Variants in DEPDC1 observed in about 807,000 individuals in gnomAD.
The protein encoded by DEPDC1 is DEP domain containing 1.
Under a neutral mutation model 86.8 loss-of-function variants are expected in DEPDC1, and 66 were observed. That is an observed-to-expected ratio of 0.76 (90% CI 0.62 to 0.93). DEPDC1 has a LOEUF of 0.93. Among genes scored for constraint, DEPDC1 ranks in the 40% least tolerant of loss-of-function variants. The probability of loss-of-function intolerance (pLI) is 0.00; values close to 1 mark genes in which losing one functional copy is unlikely to be tolerated. For synonymous variants in DEPDC1, 255 were observed against 314.9 expected (o/e 0.81, Z 2.02); for missense variants, 792 against 935.7 (o/e 0.85, Z 2.00).
chr1:68,492,833 G>C (rs1313684347), intron 2 of DEPDC1, among the ~76,000 whole-genome samples: 1 of 152,112 alleles, frequency 6.6e-6, no homozygotes, highest in Non-Finnish European at 1.5e-5. Flanking sequence ...TAAAGGACAA[G>C]AAAGGGAAAG....
At chr1:68,483,096 A>T in intron 7 of DEPDC1, 199 bp from the exon 8 acceptor site, 2 of 603,630 alleles carry the variant, frequency 3.3e-6, no homozygotes, top group Non-Finnish European at 5.8e-6. Flanking sequence ...AAGACAGATG[A>T]GTGGTTTTCC....
Position 68,489,315 on chromosome 1 carries a change from C to T in DEPDC1, c.471+137G>A, listed in dbSNP as rs77115302. The T allele has an allele frequency of 3.5e-3, 2,069 of 583,054 alleles. 37 individuals are homozygous for T. The African/African-American group carries it at 0.037, about 10-fold the overall frequency. 36.1% of individuals were successfully genotyped at this position (583,054 alleles called of 1,614,324 possible). ...TGGGTTACAAACAATTTTATATATA[C>T]ATATTTAGAATGTAATGTAGGTTAG... On this transcript the variant is annotated intron_variant, in intron 3 of 11. Transcript: ENST00000456315.
chr1:68,492,423 G>A (rs1444312911), intron 2 of DEPDC1, among the ~76,000 whole-genome samples: 2 of 152,146 alleles, frequency 1.3e-5, no homozygotes, highest in African/African-American at 2.4e-5. Context: ...AAGACTAGGA[G>A]AGGCCGGGCG....
At chr1:68,489,686 C>A in intron 2 of DEPDC1, 78 bp from the exon 3 acceptor site, 1 of 1,093,886 alleles carries the variant, frequency 9.1e-7, no homozygotes, top group Non-Finnish European at 1.3e-6. Flanking sequence ...TTTTAAAATT[C>A]ACATAAAGAG....
At chr1:68,481,402 T>G in intron 9 of DEPDC1, 38 bp downstream of exon 9, 12 of 1,564,394 alleles carry the variant, frequency 7.7e-6, no homozygotes, top group Non-Finnish European at 1.0e-5. Context: ...TTTTGGTTTA[T>G]GAATCAGACT....
At chr1:68,495,684 T>C (rs1646260136) in intron 1 of DEPDC1, among the ~76,000 whole-genome samples, 1 of 152,212 alleles carries the variant, frequency 6.6e-6, no homozygotes, top group Non-Finnish European at 1.5e-5. Flanking sequence ...GAACAGGCTC[T>C]GGAGTTAGAC....
chr1:68,494,340 G>C (rs1646248964), intron 2 of DEPDC1, 90 bp downstream of exon 2: 3 of 1,188,538 alleles, frequency 2.5e-6, no homozygotes, highest in Non-Finnish European at 3.4e-6. Flanking sequence ...AAACTTCTTT[G>C]AAGAAGCTGC....
chr1:68,494,728 T>G (rs72674358), intron 1 of DEPDC1, 33 bp from the exon 2 acceptor site: 68,152 of 1,549,180 alleles, frequency 0.044, 1,693 homozygotes, highest in East Asian at 0.07. Context: ...TTTAAAAAAT[T>G]GAAGAAAAAT....
At position 68,482,810 on chromosome 1, in the gene DEPDC1, A is replaced by G. The variant is rs1571197750; in HGVS notation, c.998T>C (p.Leu333Ser). Residue 333 changes from leucine (L) to serine (S), a missense_variant, in exon 8 of 12, where the codon TTA (leucine) becomes TCA (serine). Transcript: ENST00000456315. ...TGATTTGAAGGAATTCAAATTGTTTAAGTGAAGGAATTTTGAAGACTGTGG... is the reference window on the plus strand; with the variant it reads ...TGATTTGAAGGAATTCAAATTGTTTGAGTGAAGGAATTTTGAAGACTGTGG... The part of the protein sequence containing the change: ...DDPQSSKFLH[L>S]NNLNSFKSTE... 3 of 1,612,282 alleles carry G rather than the reference A, an allele frequency of 1.9e-6. No individual in the cohort carries two copies. The highest frequency in any genetic ancestry group is 2.7e-5 in the African/African-American group (2 of 74,906).
chr1:68,477,995 ACT>A, intron 10 of DEPDC1, 23 bp from the exon 11 acceptor site: 2 of 1,466,162 alleles, frequency 1.4e-6, no homozygotes, highest in Non-Finnish European at 1.8e-6. Context: ...AAATGATATA[ACT>A]CTGTTAATTC....
chr1:68,496,053 G>T lies in DEPDC1; in HGVS notation c.48+899C>A, dbSNP rs187285955. ...TAAGATCGCCATACCAGGAAGATCT[G>T]AATTCTAGCTCTGCCACTTGCTGTT... On this transcript the variant is annotated intron_variant, in intron 1 of 11. Coordinates refer to ENST00000456315, the MANE Select transcript of DEPDC1 (RefSeq NM_001114120.3). The surrounding 1 kb of genome is among the most constrained non-coding windows in gnomAD (Gnocchi z 4.0). 3.3e-5 allele frequency among the ~76,000 whole-genome samples: 5 copies of T among 152,222 alleles called. No homozygotes were observed. Among genetic ancestry groups the T allele is most frequent in the Admixed American group, 2.6e-4 (4 of 15,294 alleles).
rs1646215676 is a variant in DEPDC1, at chr1:68,489,557, C to T, written c.366G>A (p.Leu122=). ...AAAAGTTCTCTATGTTGTTTTTTCTCAATTCTGGATACCTTCGTGGTAGAG... is the reference window on the plus strand; with the variant it reads ...AAAAGTTCTCTATGTTGTTTTTTCTTAATTCTGGATACCTTCGTGGTAGAG... ...LKTLPRRYPE[L]RKNNIENFSK... Residue 122 remains leucine (L), a synonymous_variant, in exon 3 of 12, where the codon TTG becomes TTA. Transcript: ENST00000456315. 3 of 1,538,938 alleles carry T rather than the reference C, an allele frequency of 1.9e-6. No individual in the cohort carries two copies. Among genetic ancestry groups the T allele is most frequent in the Non-Finnish European group, 8.7e-7 (1 of 1,153,650 alleles).
At chr1:68,487,785 A>C (rs1411231524) in intron 5 of DEPDC1, among the ~76,000 whole-genome samples, 1 of 151,938 alleles carries the variant, frequency 6.6e-6, no homozygotes, top group Non-Finnish European at 1.5e-5. Flanking sequence ...CCTTTCTCAT[A>C]ATCTAAGTTT....
Position 68,477,086 on chromosome 1 carries a change from G to A in DEPDC1, c.2299-17C>T, listed in dbSNP as rs764039714. Reference sequence around the variant, plus strand: ...CTTCTGAAACTTAAAAATGAGGTGAGAAATTAGAAGGTATTTAACATTATT... The same window carrying A: ...CTTCTGAAACTTAAAAATGAGGTGAAAAATTAGAAGGTATTTAACATTATT... On this transcript the variant is annotated splice_polypyrimidine_tract_variant and intron_variant, in intron 11 of 11. Transcript: ENST00000456315. The A allele has an allele frequency of 4.4e-6, 7 of 1,574,198 alleles. No homozygotes were observed. In the East Asian group the frequency reaches 1.6e-4, roughly 36 times the overall value.
chr1:68,487,214 G>A (rs1368155529), intron 5 of DEPDC1, among the ~76,000 whole-genome samples: 1 of 151,968 alleles, frequency 6.6e-6, no homozygotes, highest in African/African-American at 2.4e-5. Context: ...TGGATTCTGA[G>A]TTTGATTCAT....
At position 68,482,447 on chromosome 1, in the gene DEPDC1, T is replaced by C; in HGVS notation, c.1361A>G (p.Lys454Arg). Reference protein sequence around the residue: ...SFPNIEGQNNKLFLESKPKQE... With the variant: ...SFPNIEGQNNRLFLESKPKQE... ...TTTGGGCTTAGACTCTAAAAACAGT[T>C]TATTATTTTGTCCTTCTATGTTCGG... is the stretch of plus-strand genomic sequence containing the variant. Residue 454 changes from lysine to arginine, a missense_variant, in exon 8 of 12, where the codon AAA becomes AGA. By Grantham distance (26) the Lys-to-Arg change is conservative. Coordinates refer to ENST00000456315, the MANE Select transcript of DEPDC1 (RefSeq NM_001114120.3). 1 of 1,612,958 alleles carries C rather than the reference T, an allele frequency of 6.2e-7. No homozygotes were observed. Among genetic ancestry groups the C allele is most frequent in the Non-Finnish European group, 8.5e-7 (1 of 1,179,294 alleles).
In DEPDC1 at chr1:68,479,129, A is replaced by C. The variant is rs759468415; in HGVS notation, c.2112+15T>G. On this transcript the variant is annotated intron_variant, in intron 10 of 11. Transcript: ENST00000456315. The stretch of plus-strand genomic sequence containing the variant: ...ACTGACTATTGCAGAGAATTTTAAG[A>C]CTCACAATACTTACATGTCCCTTTT... 6.3e-7 allele frequency: 1 copy of C among 1,586,380 alleles called. No individual in the cohort carries two copies. The highest frequency in any genetic ancestry group is 1.4e-5 in the African/African-American group (1 of 73,368).
chr1:68,494,868 C>A (rs1315046042), intron 1 of DEPDC1, among the ~76,000 whole-genome samples, 173 bp from the exon 2 acceptor site: 3 of 152,090 alleles, frequency 2.0e-5, no homozygotes, highest in African/African-American at 7.2e-5. Flanking sequence ...TCTGGCCGGG[C>A]ACGGTGGCTC....
Position 68,496,263 on chromosome 1 carries a change from TA to T in DEPDC1, c.48+688del, listed in dbSNP as rs1646264346. 1.3e-5 allele frequency among the ~76,000 whole-genome samples: 2 copies of T among 152,216 alleles called. No individual in the cohort carries two copies. Among genetic ancestry groups the T allele is most frequent in the Non-Finnish European group, 2.9e-5 (2 of 68,040 alleles). Reference sequence around the variant, plus strand: ...ACCCCTTAAGGCAAGCATGTATTAGTAACCTTTACCAATGTGGAAACAGGCT... The same window carrying T: ...ACCCCTTAAGGCAAGCATGTATTAGTACCTTTACCAATGTGGAAACAGGCT... On this transcript the variant is annotated intron_variant, in intron 1 of 11. Transcript: ENST00000456315. The surrounding 1 kb of genome is among the most constrained non-coding windows in gnomAD (Gnocchi z 4.0).
Sources: allele counts gnomAD v4.1 joint callset (sites outside exome capture counted in the v4.1 genomes callset), GRCh38; gene constraint gnomAD v4.1.1; non-coding constraint Gnocchi (gnomAD v3.1); transcripts MANE v1.5; gene names NCBI Gene and HGNC (gene_info 2026-07-23, HGNC 2026-07-21).